RNF123: variants seen among roughly 807,000 people sequenced by gnomAD.
RNF123 encodes E3 ubiquitin-protein ligase RNF123.
In RNF123, 86 loss-of-function variants were observed where a neutral mutation model predicts 168.5. The ratio of observed to expected loss-of-function variants is 0.51; its 90% CI spans 0.43 to 0.61. The LOEUF (loss-of-function observed/expected upper bound fraction) is 0.61. Among genes scored for constraint, RNF123 ranks in the 20% least tolerant of loss-of-function variants. The pLI is 0.00. For synonymous variants in RNF123, 666 were observed against 689.1 expected (o/e 0.97, Z 0.52); for missense variants, 1,419 against 1,729.7 (o/e 0.82, Z 3.19).
At chr3:49,695,240 C>T (rs1399683742) in intron 3 of RNF123, among the ~76,000 whole-genome samples, 1 of 152,114 alleles carries the variant, frequency 6.6e-6, no homozygotes, top group Non-Finnish European at 1.5e-5. Flanking sequence ...ATAGCTGGGA[C>T]CACAAGCACA....
intron 35 of RNF123, chr3:49,719,218 G>A (rs759874353): frequency 6.2e-7 from 1 of 1,613,196 alleles, no homozygotes; most frequent in Non-Finnish European, 8.5e-7. Context: ...CTGGAAGAGG[G>A]GCGCCAACCA....
At chr3:49,692,422 G>A (rs754353282) in intron 3 of RNF123, among the ~76,000 whole-genome samples, 19 of 152,286 alleles carry the variant, frequency 1.2e-4, no homozygotes, top group Admixed American at 2.6e-4. Flanking sequence ...CATGCAATGC[G>A]TAATAATCAC....
intron 16 of RNF123, 40 bp from the exon 17 acceptor site, chr3:49,701,771 C>A: frequency 6.5e-7 from 1 of 1,547,358 alleles, no homozygotes. Flanking sequence ...GGCTAGGTCC[C>A]AGGTGACCCT....
intron 20 of RNF123, 21 bp from the exon 21 acceptor site, chr3:49,703,406 A>T (rs780259682): frequency 6.2e-7 from 1 of 1,601,766 alleles, no homozygotes; most frequent in South Asian, 1.1e-5. Context: ...CCACTGGCCT[A>T]GCCTCCTCAA....
At position 49,716,128 on chromosome 3, in the gene RNF123, G is replaced by T. The variant is rs1559687932; in HGVS notation, c.3366G>T (p.Val1122=). 1 of 1,613,754 alleles carries T rather than the reference G, an allele frequency of 6.2e-7. No individual in the cohort carries two copies. Among genetic ancestry groups the T allele is most frequent in the Non-Finnish European group, 8.5e-7 (1 of 1,179,946 alleles). ...TGCTAAACCAGGTGCTGAACCGGGT[G>T]ACAGCTGAGAGGAACCTGTTTGATC... ...AQLLNQVLNR[V]TAERNLFDRV... Residue 1122 remains valine, a synonymous_variant, in exon 34 of 39, where the codon GTG becomes GTT. Coordinates refer to ENST00000327697, the MANE Select transcript of RNF123 (RefSeq NM_022064.5).
At chr3:49,718,401 A>T (rs1325583445) in intron 35 of RNF123, 5 of 1,613,026 alleles carry the variant, frequency 3.1e-6, no homozygotes, top group Non-Finnish European at 4.2e-6. Flanking sequence ...GGCGGGGCCC[A>T]GTGGCCAGGC....
intron 35 of RNF123, chr3:49,717,969 C>T (rs773079873): frequency 6.8e-6 from 11 of 1,613,104 alleles, no homozygotes; most frequent in South Asian, 1.1e-5. Flanking sequence ...TCATGGGACC[C>T]TCGGAGCCTA....
In RNF123 at chr3:49,698,541, C is replaced by G. The variant is rs1166971942; in HGVS notation, c.570+15C>G. The G allele has an allele frequency of 1.9e-6, 3 of 1,613,102 alleles. No homozygotes were observed. Among genetic ancestry groups the G allele is most frequent in the Middle Eastern group, 1.6e-4 (1 of 6,084 alleles). On this transcript the variant is annotated intron_variant, in intron 8 of 38. Transcript: ENST00000327697. ...ATTATGGCAAGGTGAGAGCCAAGCC[C>G]CTGTGGGTCATCCGCCCCATGACTG...
chr3:49,693,036 GT>G (rs1199106015), intron 3 of RNF123, among the ~76,000 whole-genome samples: 53 of 141,928 alleles, frequency 3.7e-4, no homozygotes, highest in South Asian at 9.0e-4. Context: ...TTTTAGTTTA[GT>G]TTTTTTTTTT....
At chr3:49,718,673 G>A in intron 35 of RNF123, 3 of 1,613,002 alleles carry the variant, frequency 1.9e-6, no homozygotes, top group East Asian at 2.2e-5. Context: ...CGGCTGTGCT[G>A]GAAGAAGCGC....
In RNF123 at chr3:49,715,802, C is replaced by T; in HGVS notation, c.3151-20C>T. 2 of 1,613,820 alleles carry T rather than the reference C, an allele frequency of 1.2e-6. No homozygotes were observed. Among genetic ancestry groups the T allele is most frequent in the Non-Finnish European group, 1.7e-6 (2 of 1,179,848 alleles). On this transcript the variant is annotated intron_variant, in intron 32 of 38. Transcript: ENST00000327697. ...AGAGCCAGGTGCTGACCACTGCATGCCCACGTGTTGGTGGCTCAGATCCAG... is the reference window on the plus strand; with the variant it reads ...AGAGCCAGGTGCTGACCACTGCATGTCCACGTGTTGGTGGCTCAGATCCAG...
At position 49,701,815 on chromosome 3, in the gene RNF123, AAG is replaced by A. The variant is rs2054400146; in HGVS notation, c.1405_1406del (p.Ser469HisfsTer46). The A allele has an allele frequency of 6.4e-7, 1 of 1,571,474 alleles. No homozygotes were observed. Among genetic ancestry groups the A allele is most frequent in the Non-Finnish European group, 8.6e-7 (1 of 1,158,402 alleles). ...CCACCTGCTACCCCTGCCTAGGGCA[AAG>A]AGAGCACGGAGATGAAGGAGGAGAC... On this transcript the variant is annotated frameshift_variant, in exon 17 of 39. Transcript: ENST00000327697. LOFTEE classifies it high-confidence loss of function.
At chr3:49,702,455 A>T in intron 19 of RNF123, 50 bp downstream of exon 19, 2 of 1,602,612 alleles carry the variant, frequency 1.2e-6, no homozygotes, top group Non-Finnish European at 1.7e-6. Context: ...TGCACTACAC[A>T]TGCCATGCCC....
At position 49,699,717 on chromosome 3, in the gene RNF123, A is replaced by G; in HGVS notation, c.929A>G (p.Gln310Arg). Residue 310 changes from glutamine (Q) to arginine (R), a missense_variant, in exon 12 of 39, where the codon CAG (glutamine) becomes CGG (arginine). Around this residue, in one of 5 missense-constraint regions of RNF123, gnomAD observed 318 missense variants for 446.6 expected, o/e 0.71. Coordinates refer to ENST00000327697, the MANE Select transcript of RNF123 (RefSeq NM_022064.5). The surrounding 1 kb of genome is among the most constrained non-coding windows in gnomAD (Gnocchi z 4.8). ...AGCTCCAAGTGGCGGTTGCGGGGCC[A>G]GCCCACCGTCCTCCTCACACTGGCC... The part of the protein sequence containing the change: ...KESSKWRLRG[Q>R]PTVLLTLAHI... 1.2e-6 allele frequency: 2 copies of G among 1,613,704 alleles called. No homozygotes were observed. The highest frequency in any genetic ancestry group is 1.7e-6 in the Non-Finnish European group (2 of 1,179,988).
chr3:49,718,283 G>T, intron 35 of RNF123: 1 of 1,613,082 alleles, frequency 6.2e-7, no homozygotes, highest in Non-Finnish European at 8.5e-7. Flanking sequence ...ACGAGCACAA[G>T]GCCCACGGCA....
At position 49,714,238 on chromosome 3, in the gene RNF123, G is replaced by A. The variant is rs994523716; in HGVS notation, c.3010+64G>A. On this transcript the variant is annotated intron_variant, in intron 31 of 38. Coordinates refer to ENST00000327697, the MANE Select transcript of RNF123 (RefSeq NM_022064.5). Reference sequence around the variant, plus strand: ...CGGGGGCGCTTACCTCCTACCCATGGGTTCTTTCAGACTCTCCACTTCTTC... The same window carrying A: ...CGGGGGCGCTTACCTCCTACCCATGAGTTCTTTCAGACTCTCCACTTCTTC... 1.2e-5 allele frequency: 17 copies of A among 1,426,394 alleles called. No homozygotes were observed. The African/African-American group carries it at 2.0e-4, about 16-fold the overall frequency. The allele number at this position is 1,426,394 out of a possible 1,614,324, so 88.4% of individuals were successfully genotyped here.
intron 3 of RNF123, among the ~76,000 whole-genome samples, 185 bp downstream of exon 3, chr3:49,691,694 C>T (rs1575516472): frequency 6.6e-6 from 1 of 152,356 alleles, no homozygotes; most frequent in Admixed American, 6.5e-5. Flanking sequence ...TTCCTGTCTC[C>T]AGGCAGTGCT....
chr3:49,703,392 G>A (rs1458837203), intron 20 of RNF123, 35 bp from the exon 21 acceptor site: 7 of 1,561,470 alleles, frequency 4.5e-6, no homozygotes, highest in South Asian at 2.2e-5. Flanking sequence ...CTACTGGGCC[G>A]TGACCACTGG....
chr3:49,697,908 C>G lies in RNF123; in HGVS notation c.366C>G (p.Gly122=), dbSNP rs772158321. ...LLGVIGHSNF[G]TIRSTTCVYK... Reference sequence around the variant, plus strand: ...AGGTGATTGGACACAGCAACTTTGGCACCATCCGCTCTACCACATGCGTGT... The same window carrying G: ...AGGTGATTGGACACAGCAACTTTGGGACCATCCGCTCTACCACATGCGTGT... The change falls in exon 6 of 39, where the codon GGC becomes GGG. Residue 122 remains glycine, a synonymous_variant. Transcript: ENST00000327697. 4 of 1,614,084 alleles carry G rather than the reference C, an allele frequency of 2.5e-6. No individual in the cohort carries two copies. The African/African-American group carries it at 4.0e-5, about 16-fold the overall frequency.
Sources: allele counts gnomAD v4.1 joint callset (sites outside exome capture counted in the v4.1 genomes callset), GRCh38; gene constraint gnomAD v4.1.1; regional missense constraint gnomAD v4.1.1; non-coding constraint Gnocchi (gnomAD v3.1); transcripts MANE v1.5; gene names NCBI Gene and HGNC (gene_info 2026-07-23, HGNC 2026-07-21).